Variants in CLIP4 observed in about 807,000 individuals in gnomAD.
CLIP4 encodes CAP-Gly domain-containing linker protein 4.
Under a neutral mutation model 73.1 loss-of-function variants are expected in CLIP4, and 47 were observed. That is an observed-to-expected ratio of 0.64 (90% CI 0.51 to 0.82). The LOEUF (loss-of-function observed/expected upper bound fraction) is 0.82. Ranked by LOEUF, CLIP4 falls within the 40% of genes least tolerant of loss-of-function variation. The probability of loss-of-function intolerance (pLI) is 0.00; values close to 1 mark genes in which losing one functional copy is unlikely to be tolerated. For synonymous variants in CLIP4, 306 were observed against 295.4 expected (o/e 1.04, Z -0.37); for missense variants, 874 against 852.9 (o/e 1.02, Z -0.31).
rs759976195 is a variant in CLIP4 at position 29,156,438 on chromosome 2, A to G, written c.1250A>G (p.Lys417Arg). ...GAAGAACTTAAAACTGTGACAGAGA[A>G]AGATGGTAATATACCTTGTAACCTC... ...PGEELKTVTE[K>R]DVALLGSVSS... Residue 417 changes from lysine to arginine, a missense_variant, in exon 10 of 16, where the codon AAA becomes AGA. Physicochemically the swap from Lys to Arg is conservative, Grantham distance 26. Transcript: ENST00000320081. 21 of 1,570,014 alleles carry G rather than the reference A, an allele frequency of 1.3e-5. No individual in the cohort carries two copies. The highest frequency in any genetic ancestry group is 5.6e-5 in the African/African-American group (4 of 71,954).
chr2:29,172,661 T>C (rs1300022455), intron 14 of CLIP4, among the ~76,000 whole-genome samples: 1 of 152,072 alleles, frequency 6.6e-6, no homozygotes, highest in South Asian at 2.1e-4. Context: ...AGTTTCTCCT[T>C]TATTATTTTT....
At chr2:29,165,459 A>G (rs115389112) in intron 13 of CLIP4, among the ~76,000 whole-genome samples, 315 of 152,332 alleles carry the variant, frequency 2.1e-3, no homozygotes, top group Non-Finnish European at 3.2e-3. Flanking sequence ...CTGTGCTCCC[A>G]GCTGGGGATT....
chr2:29,113,560 G>A (rs992925832), upstream of CLIP4, among the ~76,000 whole-genome samples: 2 of 152,242 alleles, frequency 1.3e-5, no homozygotes, highest in African/African-American at 4.8e-5. This position sits in a 1 kb window ranked among gnomAD's most constrained non-coding sequence, Gnocchi z 4.0. Context: ...GCAACTAAGT[G>A]AGTGGGAGAC....
chr2:29,126,978 C>T (rs982403262), intron 2 of CLIP4, among the ~76,000 whole-genome samples: 3 of 152,108 alleles, frequency 2.0e-5, no homozygotes, highest in African/African-American at 4.8e-5. Flanking sequence ...TGATAATGGG[C>T]GTACTTAGAG....
intron 12 of CLIP4, among the ~76,000 whole-genome samples, 157 bp downstream of exon 12, chr2:29,160,624 C>CA (rs1364263186): frequency 2.6e-5 from 4 of 152,272 alleles, no homozygotes; most frequent in African/African-American, 7.2e-5. Flanking sequence ...GATGAAAACT[C>CA]AGACTGTTTA....
intron 6 of CLIP4, among the ~76,000 whole-genome samples, chr2:29,141,662 T>C (rs1665776199): frequency 6.6e-6 from 1 of 152,218 alleles, no homozygotes; most frequent in African/African-American, 2.4e-5. Context: ...ATTTGCATGA[T>C]AGATCTCTCT....
chr2:29,164,410 G>T (rs6736633), intron 13 of CLIP4, among the ~76,000 whole-genome samples: 3,094 of 152,272 alleles, frequency 0.02, 97 homozygotes, highest in African/African-American at 0.058. Context: ...TAGATAGGCA[G>T]TAGATCTTTG....
intron 1 of CLIP4, among the ~76,000 whole-genome samples, chr2:29,109,597 A>G (rs185970069): frequency 1.6e-4 from 25 of 152,316 alleles, no homozygotes; most frequent in Admixed American, 1.6e-3. Flanking sequence ...ATAGAGCACT[A>G]GAACATATGC....
chr2:29,181,286 GAGA>G (rs2148125954), intron 15 of CLIP4, among the ~76,000 whole-genome samples: 1 of 152,322 alleles, frequency 6.6e-6, no homozygotes, highest in African/African-American at 2.4e-5. Context: ...GCAGGCTGAG[GAGA>G]AGGAGGAAGA....
rs188442780 is a variant in CLIP4, at chr2:29,182,629, C to G, written c.*736C>G. The G allele has an allele frequency of 2.6e-5, 4 of 152,690 alleles. No individual in the cohort carries two copies. In the East Asian group the frequency reaches 7.7e-4, roughly 29 times the overall value. 9.5% of individuals were successfully genotyped at this position (152,690 alleles called of 1,614,324 possible). A position where few individuals can be genotyped will look rare whatever the true frequency, so the allele number is the denominator to read the frequency against. On this transcript the variant is annotated 3_prime_UTR_variant, in exon 16 of 16. Coordinates refer to ENST00000320081, the MANE Select transcript of CLIP4 (RefSeq NM_024692.6). ...CTTTCTGCTATACAAAATGTCTAAT[C>G]TCAGATTTTTCTTCTGCTGCTTGAC...
intron 1 of CLIP4, among the ~76,000 whole-genome samples, chr2:29,107,349 A>G (rs907350730): frequency 1.6e-5 from 2 of 127,074 alleles, no homozygotes; most frequent in Non-Finnish European, 3.6e-5. Flanking sequence ...AAATTCCTGG[A>G]ACATGATAGT....
chr2:29,110,548 G>A (rs1248897271), upstream of CLIP4, among the ~76,000 whole-genome samples: 1 of 152,126 alleles, frequency 6.6e-6, no homozygotes, highest in Non-Finnish European at 1.5e-5. Flanking sequence ...TATGGGGAAG[G>A]GTTCCATTTT....
At chr2:29,111,941 T>C (rs1384074267), upstream of CLIP4, among the ~76,000 whole-genome samples, 1 of 152,238 alleles carries the variant, frequency 6.6e-6, no homozygotes, top group Admixed American at 6.5e-5. Context: ...TTCACCTTTG[T>C]ATATGGCAGA....
chr2:29,155,436 G>A (rs1666861955), intron 9 of CLIP4, among the ~76,000 whole-genome samples: 2 of 151,628 alleles, frequency 1.3e-5, no homozygotes, highest in African/African-American at 2.4e-5. Context: ...AAGAGTACAA[G>A]CAGAACTGTG....
intron 14 of CLIP4, among the ~76,000 whole-genome samples, chr2:29,171,006 T>A (rs1667966983): frequency 6.6e-6 from 1 of 152,216 alleles, no homozygotes; most frequent in Admixed American, 6.5e-5. Context: ...TGTAGCTTTA[T>A]AGTAATTCTT....
At chr2:29,181,292 G>T (rs1018526104) in intron 15 of CLIP4, among the ~76,000 whole-genome samples, 4 of 152,206 alleles carry the variant, frequency 2.6e-5, no homozygotes, top group African/African-American at 9.7e-5. Flanking sequence ...TGAGGAGAAG[G>T]AGGAAGAGAA....
intron 1 of CLIP4, among the ~76,000 whole-genome samples, chr2:29,102,734 T>C (rs1241437749): frequency 6.6e-6 from 1 of 152,088 alleles, no homozygotes; most frequent in African/African-American, 2.4e-5. Context: ...CAAGTGATTC[T>C]CCTGCCTTAG....
chr2:29,174,396 ACTT>A lies in CLIP4; in HGVS notation c.1750_1752del (p.Ser584del), dbSNP rs1558585330. 2 of 1,612,574 alleles carry A rather than the reference ACTT, an allele frequency of 1.2e-6. No individual in the cohort carries two copies. The highest frequency in any genetic ancestry group is 3.3e-5 in the Admixed American group (2 of 59,904). ...AGGTTTTAGGAGAAGTTTTAGCACA[ACTT>A]CTGCTTCTTCCCAAAAGGAGATTAA... On this transcript the variant is annotated inframe_deletion, in exon 15 of 16. Transcript: ENST00000320081.
intron 15 of CLIP4, 36 bp from the exon 16 acceptor site, chr2:29,181,536 A>G (rs1668642930): frequency 1.3e-6 from 2 of 1,515,692 alleles, no homozygotes; most frequent in Admixed American, 2.1e-5. Context: ...TGGCTTCAGC[A>G]CTAAATAATT....
Sources: gnomAD v4.1 joint callset for allele counts (sites outside exome capture counted in the v4.1 genomes callset) on GRCh38, gnomAD v4.1.1 for gene constraint, Gnocchi (gnomAD v3.1) non-coding constraint, MANE v1.5 for transcripts, NCBI Gene and HGNC (gene_info 2026-07-23, HGNC 2026-07-21) for gene names.